The following NRG1 variants were observed in gnomAD, a reference collection of about 807,000 sequenced individuals.
NRG1 encodes the protein neuregulin 1, also known as pro-neuregulin-1, membrane-bound isoform.
A neutral mutation model predicts 63.8 loss-of-function variants in NRG1; 18 were observed. That is an observed-to-expected ratio of 0.28 (90% CI 0.19 to 0.42). NRG1 has a LOEUF of 0.42. Ranked by LOEUF, NRG1 falls within the 10% of genes least tolerant of loss-of-function variation. The pLI is 1.00. For missense variants in NRG1, 762 were observed against 814.7 expected (o/e 0.94, Z 0.79); for synonymous variants, 302 against 301.3 (o/e 1.00, Z -0.02).
At chr8:31,692,676 A>G (rs1372700964) in intron 1 of NRG1, among the ~76,000 whole-genome samples, 2 of 152,212 alleles carry the variant, frequency 1.3e-5, no homozygotes, top group African/African-American at 4.8e-5. Flanking sequence ...AGTTCTACAA[A>G]TAGGACAGCC....
intron 1 of NRG1, among the ~76,000 whole-genome samples, chr8:32,236,061 T>C (rs962020959): frequency 2.6e-5 from 4 of 152,132 alleles, no homozygotes; most frequent in East Asian, 1.9e-4. Flanking sequence ...TGAGCTAAAA[T>C]ACAGAGTCTA....
chr8:32,328,374 A>T (rs1802255537), intron 1 of NRG1, among the ~76,000 whole-genome samples: 1 of 152,158 alleles, frequency 6.6e-6, no homozygotes, highest in African/African-American at 2.4e-5. Flanking sequence ...TCAAACATTT[A>T]AAAAGAATAA....
At chr8:32,728,055 A>G (rs1346363347) in exon 6 of NRG1, 8 of 1,614,068 alleles carry the variant, frequency 5.0e-6, no homozygotes, top group East Asian at 2.2e-5. Context: ...AAGACCTTTC[A>G]AACCCCTCGA....
chr8:32,214,339 A>G (rs1444603708), intron 1 of NRG1, among the ~76,000 whole-genome samples: 4 of 152,242 alleles, frequency 2.6e-5, no homozygotes, highest in Non-Finnish European at 4.4e-5. Context: ...ATAGTTTTCA[A>G]CAAAGTTGGA....
intron 1 of NRG1, among the ~76,000 whole-genome samples, chr8:32,255,075 C>T (rs1849539396): frequency 6.6e-6 from 1 of 152,164 alleles, no homozygotes; most frequent in Non-Finnish European, 1.5e-5. Flanking sequence ...TTATTTTGAG[C>T]CTGTGTGTGT....
At position 32,231,007 on chromosome 8, in the gene NRG1, C is replaced by T. The variant is rs558485146; in HGVS notation, c.38-364821C>T. ...CTATGCTTTTGCACCCATTAACCAT[C>T]CCCACCTTCTCCCCATGCTGGCTAT... On this transcript the variant is annotated intron_variant, in intron 1 of 10. Coordinates refer to the NRG1 transcript ENST00000519301. 3.3e-5 allele frequency among the ~76,000 whole-genome samples: 5 copies of T among 152,160 alleles called. No individual in the cohort carries two copies. In the South Asian group the frequency reaches 1.0e-3, roughly 32 times the overall value.
chr8:31,933,601 A>G (rs540660684), intron 1 of NRG1, among the ~76,000 whole-genome samples: 1 of 152,310 alleles, frequency 6.6e-6, no homozygotes. Context: ...CATTTTAAAT[A>G]TGAGGAAACT....
intron 1 of NRG1, among the ~76,000 whole-genome samples, chr8:32,284,709 CTTTTG>C (rs930660834): frequency 1.3e-5 from 2 of 151,946 alleles, no homozygotes; most frequent in African/African-American, 4.8e-5. Flanking sequence ...TCTTTTTTGC[CTTTTG>C]TTTGTTTGTT....
At chr8:31,838,700 G>T (rs1418548764) in intron 1 of NRG1, among the ~76,000 whole-genome samples, 5 of 151,932 alleles carry the variant, frequency 3.3e-5, no homozygotes, top group African/African-American at 1.2e-4. Context: ...TCTTCAAAAT[G>T]GGCCTTTTGC....
chr8:32,232,458 C>A (rs916646932), intron 1 of NRG1, among the ~76,000 whole-genome samples: 1 of 152,078 alleles, frequency 6.6e-6, no homozygotes, highest in African/African-American at 2.4e-5. Context: ...AAAAATTGGA[C>A]CTGAAAATTT....
intron 1 of NRG1, among the ~76,000 whole-genome samples, chr8:31,709,792 T>C (rs1446806592): frequency 6.6e-6 from 1 of 151,934 alleles, no homozygotes; most frequent in Non-Finnish European, 1.5e-5. Context: ...TTTTTGTGGC[T>C]TTTTAAATTC....
intron 1 of NRG1, among the ~76,000 whole-genome samples, chr8:32,583,298 C>T (rs1841024013): frequency 6.6e-6 from 1 of 151,888 alleles, no homozygotes; most frequent in Non-Finnish European, 1.5e-5. Context: ...TGCTATTTCC[C>T]CTCCTTTTTC....
intron 1 of NRG1, among the ~76,000 whole-genome samples, chr8:32,173,809 C>A (rs368854172): frequency 1.3e-5 from 2 of 152,262 alleles, no homozygotes; most frequent in South Asian, 4.1e-4. Context: ...AATATATATG[C>A]ACCCAATACA....
At chr8:31,769,983 G>C (rs1818454742) in intron 1 of NRG1, among the ~76,000 whole-genome samples, 1 of 152,160 alleles carries the variant, frequency 6.6e-6, no homozygotes, top group African/African-American at 2.4e-5. Flanking sequence ...AGGAGTACCG[G>C]GGAGAGAGAA....
At chr8:31,987,336 GTGTGTGTGTGTGTA>G (rs1441053210) in intron 1 of NRG1, among the ~76,000 whole-genome samples, 2 of 148,698 alleles carry the variant, frequency 1.3e-5, no homozygotes, top group Non-Finnish European at 3.0e-5. Context: ...GTGTGTGTGT[GTGTGTGTGTGTGTA>G]TGTGTGTGAA....
At chr8:32,527,316 G>A (rs371452835) in intron 1 of NRG1, among the ~76,000 whole-genome samples, 65 of 151,468 alleles carry the variant, frequency 4.3e-4, no homozygotes, top group African/African-American at 1.4e-3. Context: ...GACACACACC[G>A]TGGAATACTA....
At chr8:31,707,474 AT>A (rs1811261724) in intron 1 of NRG1, among the ~76,000 whole-genome samples, 1 of 152,168 alleles carries the variant, frequency 6.6e-6, no homozygotes, top group South Asian at 2.1e-4. Flanking sequence ...TTTTCTGAAT[AT>A]TCTTTTCTTC....
intron 1 of NRG1, among the ~76,000 whole-genome samples, chr8:32,304,024 CA>C (rs200816070): frequency 3.3e-5 from 5 of 151,974 alleles, no homozygotes; most frequent in South Asian, 2.1e-4. Context: ...ATGTTGACTA[CA>C]AAAAAAACTC....
chr8:32,513,494 A>C (rs146510643), intron 1 of NRG1, among the ~76,000 whole-genome samples: 1 of 152,040 alleles, frequency 6.6e-6, no homozygotes, highest in East Asian at 1.9e-4. Flanking sequence ...AAACATATCC[A>C]TTATAGATAT....
Sources: allele counts gnomAD v4.1 joint callset (sites outside exome capture counted in the v4.1 genomes callset), GRCh38; gene constraint gnomAD v4.1.1; transcripts MANE v1.5; gene names NCBI Gene and HGNC (gene_info 2026-07-23, HGNC 2026-07-21).